Variants in FARS2 observed in about 807,000 individuals in gnomAD.
FARS2 encodes phenylalanine--tRNA ligase, mitochondrial.
Under a neutral mutation model 46.4 loss-of-function variants are expected in FARS2, and 40 were observed. The ratio of observed to expected loss-of-function variants is 0.86; its 90% CI spans 0.67 to 1.12. FARS2 has a LOEUF of 1.12. FARS2 is among the 50% of genes most tolerant of loss of function. FARS2 has a pLI of 0.00. For missense variants in FARS2, 513 were observed against 567.9 expected, an observed-to-expected ratio of 0.90 and a Z score of 0.98; for synonymous variants, 234 against 214.9, an observed-to-expected ratio of 1.09 and a Z score of -0.78.
chr6:5,752,069 G>C (rs753530393), intron 6 of FARS2, among the ~76,000 whole-genome samples: 6 of 152,080 alleles, frequency 3.9e-5, no homozygotes, highest in Non-Finnish European at 8.8e-5. Context: ...AAGATCCCAA[G>C]AAGGGAAAGT....
At chr6:5,278,123 T>A (rs1205896324) in intron 1 of FARS2, among the ~76,000 whole-genome samples, 1 of 152,210 alleles carries the variant, frequency 6.6e-6, no homozygotes, top group Admixed American at 6.5e-5. Flanking sequence ...GGGGAAGGAC[T>A]GAACAGAGCC....
intron 2 of FARS2, among the ~76,000 whole-genome samples, chr6:5,384,661 T>C (rs1383138370): frequency 6.6e-6 from 1 of 151,976 alleles, no homozygotes; most frequent in African/African-American, 2.4e-5. Flanking sequence ...CTTGTTTGAG[T>C]TGGAAAATAA....
Position 5,627,624 on chromosome 6 carries a change from C to T in FARS2, c.1217+14304C>T, listed in dbSNP as rs147912298. Among the ~76,000 whole-genome samples, 37 of 152,330 alleles carry T rather than the reference C, an allele frequency of 2.4e-4. No homozygotes were observed. The East Asian group carries it at 4.8e-3, about 20-fold the overall frequency. On this transcript the variant is annotated intron_variant, in intron 6 of 6. Coordinates refer to ENST00000274680, the MANE Select transcript of FARS2 (RefSeq NM_006567.5). ...ATTGCCACATTGCCTGGTGTTTATA[C>T]GTCTTTTCATCACTGCACTGAGTTA...
At chr6:5,527,368 A>G (rs985238973) in intron 4 of FARS2, among the ~76,000 whole-genome samples, 1 of 152,248 alleles carries the variant, frequency 6.6e-6, no homozygotes, top group Non-Finnish European at 1.5e-5. Context: ...CTTCTGCTCT[A>G]TTCTTTCCGA....
chr6:5,687,373 G>A (rs1757321364), intron 6 of FARS2, among the ~76,000 whole-genome samples: 1 of 152,154 alleles, frequency 6.6e-6, no homozygotes, highest in Non-Finnish European at 1.5e-5. Context: ...ATTAATTTTT[G>A]TATAAGGTGT....
chr6:5,626,762 A>C (rs896516647), intron 6 of FARS2, among the ~76,000 whole-genome samples: 1 of 152,234 alleles, frequency 6.6e-6, no homozygotes, highest in Non-Finnish European at 1.5e-5. Context: ...TTTTGTGAAC[A>C]TAACTATAGT....
rs1423973600 is a variant in FARS2, at chr6:5,336,561, G to A, written c.-21-31989G>A. Among the ~76,000 whole-genome samples, 4 of 152,108 alleles carry A rather than the reference G, an allele frequency of 2.6e-5. No homozygotes were observed. The East Asian group carries it at 7.7e-4, about 29-fold the overall frequency. Reference sequence around the variant, plus strand: ...GTGTTTATATTTATGGGGTACATGAGATGTTTTGATACAGGCATGCAATGT... The same window carrying A: ...GTGTTTATATTTATGGGGTACATGAAATGTTTTGATACAGGCATGCAATGT... On this transcript the variant is annotated intron_variant, in intron 1 of 6. Coordinates refer to ENST00000274680, the MANE Select transcript of FARS2 (RefSeq NM_006567.5).
At chr6:5,540,799 A>C (rs971612804) in intron 4 of FARS2, among the ~76,000 whole-genome samples, 1 of 152,272 alleles carries the variant, frequency 6.6e-6, no homozygotes, top group Non-Finnish European at 1.5e-5. Flanking sequence ...CTTCAGGGTC[A>C]GAGGAAGAAT....
chr6:5,741,014 G>A (rs1005302429), intron 6 of FARS2, among the ~76,000 whole-genome samples: 1 of 152,206 alleles, frequency 6.6e-6, no homozygotes, highest in Non-Finnish European at 1.5e-5. Flanking sequence ...AAACAAGTCA[G>A]TGCTAACACA....
chr6:5,615,762 G>T (rs931457883), intron 6 of FARS2, among the ~76,000 whole-genome samples: 2 of 152,052 alleles, frequency 1.3e-5, no homozygotes, highest in African/African-American at 2.4e-5. Context: ...GTTGAGGGTT[G>T]GCATAGCAGG....
At chr6:5,597,731 A>T (rs1197218078) in intron 5 of FARS2, among the ~76,000 whole-genome samples, 1 of 152,180 alleles carries the variant, frequency 6.6e-6, no homozygotes, top group African/African-American at 2.4e-5. Context: ...TTTTTTGTTG[A>T]AGTCTACTCT....
intron 5 of FARS2, among the ~76,000 whole-genome samples, chr6:5,596,044 C>T (rs1179082100): frequency 6.6e-6 from 1 of 152,090 alleles, no homozygotes; most frequent in Admixed American, 6.5e-5. Flanking sequence ...TATGTTACCC[C>T]ATTTAATTTT....
intron 4 of FARS2, among the ~76,000 whole-genome samples, chr6:5,449,692 T>C (rs541713656): frequency 6.6e-6 from 1 of 152,216 alleles, no homozygotes; most frequent in East Asian, 1.9e-4. Context: ...TTTTGGATTT[T>C]GTGTGTGTGT....
chr6:5,596,365 CA>C (rs1392901251), intron 5 of FARS2, among the ~76,000 whole-genome samples: 12 of 152,352 alleles, frequency 7.9e-5, no homozygotes, highest in Admixed American at 7.2e-4. Flanking sequence ...TGGACAACAC[CA>C]TCTGCCTTGC....
At chr6:5,267,566 C>T (rs530819157) in intron 1 of FARS2, among the ~76,000 whole-genome samples, 1 of 151,850 alleles carries the variant, frequency 6.6e-6, no homozygotes, top group Non-Finnish European at 1.5e-5. Context: ...CTGGCTAACA[C>T]AGTGAAAACC....
intron 6 of FARS2, among the ~76,000 whole-genome samples, chr6:5,716,844 T>C: frequency 6.6e-6 from 1 of 152,250 alleles, no homozygotes; most frequent in East Asian, 1.9e-4. Context: ...CCATGCCCTC[T>C]CTGGGTACAC....
intron 2 of FARS2, among the ~76,000 whole-genome samples, chr6:5,392,628 G>A (rs1562006967): frequency 1.3e-5 from 2 of 151,586 alleles, no homozygotes; most frequent in Non-Finnish European, 2.9e-5. Flanking sequence ...TAAGTGGGAG[G>A]ATTGCTTGAG....
intron 6 of FARS2, among the ~76,000 whole-genome samples, chr6:5,646,899 G>A (rs1777109837): frequency 6.6e-6 from 1 of 152,014 alleles, no homozygotes; most frequent in Non-Finnish European, 1.5e-5. Context: ...TGGAACCCAT[G>A]GATATGGAGG....
At chr6:5,731,472 T>C (rs1159773986) in intron 6 of FARS2, among the ~76,000 whole-genome samples, 4 of 152,202 alleles carry the variant, frequency 2.6e-5, no homozygotes, top group African/African-American at 9.6e-5. Context: ...GCTTCTGCAC[T>C]CACGCCCTGG....
Sources: gnomAD v4.1 joint callset for allele counts (sites outside exome capture counted in the v4.1 genomes callset) on GRCh38, gnomAD v4.1.1 for gene constraint, MANE v1.5 for transcripts, NCBI Gene and HGNC (gene_info 2026-07-23, HGNC 2026-07-21) for gene names.